Variants in CLN3 observed in about 807,000 individuals in gnomAD.
The protein encoded by CLN3 is CLN3 lysosomal/endosomal transmembrane protein, battenin.
Under a neutral mutation model 60.7 loss-of-function variants are expected in CLN3, and 49 were observed. The ratio of observed to expected loss-of-function variants is 0.81; its 90% confidence interval spans 0.64 to 1.02. The LOEUF (loss-of-function observed/expected upper bound fraction) is 1.02. CLN3 is among the 50% of genes least tolerant of loss of function. CLN3 has a pLI of 0.00. For missense variants in CLN3, 516 were observed against 557.4 expected (o/e 0.93, Z 0.75); for synonymous variants, 256 against 245.8 (o/e 1.04, Z -0.39).
chr16:28,480,306 A>C (rs2046066277), intron 14 of CLN3, among the ~76,000 whole-genome samples: 1 of 151,838 alleles, frequency 6.6e-6, no homozygotes, highest in Non-Finnish European at 1.5e-5. Flanking sequence ...CTCCCACCCT[A>C]GCCTCCAAAA....
chr16:28,489,235 C>G (rs1036562099), intron 4 of CLN3, 55 bp downstream of exon 4: 7 of 1,382,050 alleles, frequency 5.1e-6, no homozygotes, highest in African/African-American at 1.4e-5. Context: ...CTTGTCCCAC[C>G]CCCTCATCTT....
chr16:28,477,888 G>C lies in CLN3; in HGVS notation c.1057-11C>G, dbSNP rs189498501. 4 of 1,613,346 alleles carry C rather than the reference G, an allele frequency of 2.5e-6. No individual in the cohort carries two copies. The highest frequency in any genetic ancestry group is 4.5e-5 in the East Asian group (2 of 44,880). On this transcript the variant is annotated splice_polypyrimidine_tract_variant and intron_variant, in intron 14 of 15. Transcript: ENST00000636147. ...CACCAGGTTGAGGCACTGTGAACAG[G>C]GGGAGAGGCTAAGCCTGGGACCAGG...
chr16:28,487,286 AC>A, intron 7 of CLN3, 169 bp downstream of exon 7: 1 of 693,698 alleles, frequency 1.4e-6, no homozygotes, highest in Non-Finnish European at 2.7e-6. Flanking sequence ...TCCACTGCCT[AC>A]CCCTCCAAAT....
chr16:28,486,975 A>C (rs1315896182), intron 7 of CLN3: 1 of 398,510 alleles, frequency 2.5e-6, no homozygotes, highest in African/African-American at 2.1e-5. Flanking sequence ...CAGTGGCGTG[A>C]TCTCGGCTCA....
Position 28,491,511 on chromosome 16 carries a change from G to T in CLN3, c.96C>A (p.Gly32=), listed in dbSNP as rs1307341577. Residue 32 remains glycine (G), a synonymous_variant, in exon 3 of 16, where the codon GGC becomes GGA. Coordinates refer to ENST00000636147, the MANE Select transcript of CLN3 (RefSeq NM_001042432.2). ...AGCCCACCGCGTTCTTCCAATGCGC[G>T]CCCTGATGGTCCAACAGAGGGAGCC... is the stretch of plus-strand genomic sequence containing the variant. ...EPRLPLLDHQ[G]AHWKNAVGFW... is the part of the protein sequence containing the mutation. 6.2e-7 allele frequency: 1 copy of T among 1,613,756 alleles called. No homozygotes were observed. Among genetic ancestry groups the T allele is most frequent in the African/African-American group, 1.3e-5 (1 of 74,932 alleles).
chr16:28,488,687 C>T (rs2046264312), intron 4 of CLN3, 25 bp from the exon 5 acceptor site: 2 of 1,611,210 alleles, frequency 1.2e-6, no homozygotes, highest in African/African-American at 2.7e-5. Flanking sequence ...GCATGTCTTT[C>T]ACCCTGGAGG....
At chr16:28,485,966 T>C (rs1234748608) in intron 9 of CLN3, among the ~76,000 whole-genome samples, 2 of 151,524 alleles carry the variant, frequency 1.3e-5, no homozygotes, top group African/African-American at 4.8e-5. Context: ...GACTTGAAGA[T>C]TGCAATCATA....
Position 28,482,312 on chromosome 16 carries a change from C to T in CLN3, c.962+15G>A. The stretch of plus-strand genomic sequence containing the variant: ...CCACGGCGCCCTCCCAGCCCACTGC[C>T]CTCGCTCCTCTTACCAGCGGTATTG... On this transcript the variant is annotated intron_variant, in intron 13 of 15. Transcript: ENST00000636147. The T allele has an allele frequency of 6.2e-7, 1 of 1,612,888 alleles. No individual in the cohort carries two copies. Among genetic ancestry groups the T allele is most frequent in the East Asian group, 2.2e-5 (1 of 44,852 alleles).
chr16:28,469,772 G>A (rs961624793), downstream of CLN3: 193 of 376,992 alleles, frequency 5.1e-4, no homozygotes, highest in East Asian at 7.9e-4. Flanking sequence ...GGATCACGAG[G>A]TCAAGAGATG....
chr16:28,481,467 C>CACAT (rs1308498415), intron 14 of CLN3, among the ~76,000 whole-genome samples: 2 of 151,140 alleles, frequency 1.3e-5, no homozygotes, highest in African/African-American at 4.9e-5. Context: ...CACACACACA[C>CACAT]ACACACACTA....
At chr16:28,486,544 G>T (rs760213280) in intron 8 of CLN3, 34 bp downstream of exon 8, 4 of 1,607,810 alleles carry the variant, frequency 2.5e-6, no homozygotes, top group Non-Finnish European at 3.4e-6. Flanking sequence ...CCATGGGACA[G>T]CCTCTCCCCA....
At chr16:28,491,896 C>T (rs148025951) in intron 1 of CLN3, 61 bp from the exon 2 acceptor site, 4 of 1,144,796 alleles carry the variant, frequency 3.5e-6, no homozygotes, top group Non-Finnish European at 5.1e-6. Flanking sequence ...TTGTCTAGGG[C>T]ACTCGCGCCC....
rs773938594 is a variant in CLN3, at chr16:28,489,405, G to A, written c.126-19C>T. 1 of 1,566,992 alleles carries A rather than the reference G, an allele frequency of 6.4e-7. No homozygotes were observed. Among genetic ancestry groups the A allele is most frequent in the East Asian group, 2.3e-5 (1 of 44,056 alleles). On this transcript the variant is annotated intron_variant, in intron 3 of 15. Coordinates refer to ENST00000636147, the MANE Select transcript of CLN3 (RefSeq NM_001042432.2). ...CAGCAGCCTGGAAGGAGCAGGACAG[G>A]TCTCAACTCCCTCCTCATCCTGCAG... is the stretch of plus-strand genomic sequence containing the variant.
rs750813350 is a variant in CLN3 at position 28,487,458 on chromosome 16, C to T, written c.458G>A (p.Cys153Tyr). 2 of 1,613,632 alleles carry T rather than the reference C, an allele frequency of 1.2e-6. No homozygotes were observed. The highest frequency in any genetic ancestry group is 1.7e-6 in the Non-Finnish European group (2 of 1,179,598). ...AFSHSVGTSL[C>Y]GVVFASISSG... ...CTGACACAGAACCACACACTCACCA[C>T]ACAGGCTGGTCCCCACAGAATGAGA... Residue 153 changes from cysteine to tyrosine, a missense_variant and splice_region_variant, in exon 7 of 16, where the codon TGT becomes TAT. Physicochemically the swap from Cys to Tyr is radical, Grantham distance 194. Coordinates refer to ENST00000636147, the MANE Select transcript of CLN3 (RefSeq NM_001042432.2).
downstream of CLN3, among the ~76,000 whole-genome samples, chr16:28,472,873 G>A (rs529045886): frequency 4.0e-5 from 6 of 149,994 alleles, no homozygotes; most frequent in East Asian, 5.9e-4. Flanking sequence ...TCCTGACCTC[G>A]TGATCTGCCC....
At chr16:28,480,849 G>A (rs1004958867) in intron 14 of CLN3, among the ~76,000 whole-genome samples, 3 of 152,206 alleles carry the variant, frequency 2.0e-5, no homozygotes, top group Non-Finnish European at 4.4e-5. Context: ...ACTGTTGTAA[G>A]GAAGGGTGTT....
chr16:28,481,286 A>C (rs530565655), intron 14 of CLN3, among the ~76,000 whole-genome samples: 11 of 151,974 alleles, frequency 7.2e-5, no homozygotes, highest in Non-Finnish European at 1.5e-4. Flanking sequence ...ATTTTTGTAG[A>C]GATGTGATTG....
rs2046221104 is a variant in CLN3, at chr16:28,486,481, G to A, written c.543C>T (p.Ile181=). 4.3e-6 allele frequency: 7 copies of A among 1,612,804 alleles called. No individual in the cohort carries two copies. The highest frequency in any genetic ancestry group is 1.7e-5 in the Admixed American group (1 of 59,758). ...SLTAFYPRAV[I]SWWSSGTGGA... is the part of the protein sequence containing the mutation. ...CCCCAGTCCCTGAGGACCACCAGGA[G>A]ATCACGGCCCTGGGAAGGAGAACAC... Residue 181 remains isoleucine, a synonymous_variant, in exon 9 of 16, where the codon ATC becomes ATT. Transcript: ENST00000636147.
At chr16:28,482,261 G>A in intron 13 of CLN3, 63 bp from the exon 14 acceptor site, 1 of 1,601,904 alleles carries the variant, frequency 6.2e-7, no homozygotes. Flanking sequence ...TCCCCCCGGT[G>A]CCTACTGGGC....
Sources: gnomAD v4.1 joint callset for allele counts (sites outside exome capture counted in the v4.1 genomes callset) on GRCh38, gnomAD v4.1.1 for gene constraint, MANE v1.5 for transcripts, NCBI Gene and HGNC (gene_info 2026-07-23, HGNC 2026-07-21) for gene names.